MXI1: variants seen among roughly 807,000 people sequenced by gnomAD.
MXI1 encodes the protein MAX interactor 1, dimerization protein, also known as max-interacting protein 1.
In MXI1, 18 loss-of-function variants were observed where a neutral mutation model predicts 36.9. That is an observed-to-expected ratio of 0.49 (90% CI 0.34 to 0.72). The LOEUF (loss-of-function observed/expected upper bound fraction) is 0.72. MXI1 is among the 30% of genes least tolerant of loss of function. MXI1 has a pLI of 0.01. For synonymous variants in MXI1, 160 were observed against 146.7 expected, an observed-to-expected ratio of 1.09 and a Z score of -0.65; for missense variants, 304 against 379.1, an observed-to-expected ratio of 0.80 and a Z score of 1.64.
At chr10:110,214,644 A>G (rs1854585159) in intron 1 of MXI1, among the ~76,000 whole-genome samples, 1 of 109,428 alleles carries the variant, frequency 9.1e-6, no homozygotes, top group Non-Finnish European at 1.8e-5. Context: ...CCTCCTCCCT[A>G]CCACCACCAC....
chr10:110,280,719 T>G (rs1857217120), intron 5 of MXI1, among the ~76,000 whole-genome samples: 1 of 151,990 alleles, frequency 6.6e-6, no homozygotes, highest in African/African-American at 2.4e-5. Flanking sequence ...TGTGCCTTTC[T>G]CAATCCATTG....
At chr10:110,281,944 C>T (rs761499028) in intron 5 of MXI1, among the ~76,000 whole-genome samples, 8 of 152,086 alleles carry the variant, frequency 5.3e-5, no homozygotes, top group Non-Finnish European at 1.0e-4. Flanking sequence ...AATTATTGCC[C>T]TTATTTCATT....
chr10:110,220,309 G>A (rs1854769118), intron 1 of MXI1, among the ~76,000 whole-genome samples: 1 of 152,168 alleles, frequency 6.6e-6, no homozygotes. Flanking sequence ...CAGCTAGTAG[G>A]CAAATGGATG....
intron 1 of MXI1, among the ~76,000 whole-genome samples, chr10:110,211,285 G>A (rs1405242646): frequency 1.3e-5 from 2 of 152,232 alleles, no homozygotes; most frequent in South Asian, 2.1e-4. Flanking sequence ...TAGCTGCGTC[G>A]TTCAGCCAAT....
intron 3 of MXI1, among the ~76,000 whole-genome samples, chr10:110,250,422 T>C (rs1320972172): frequency 6.6e-6 from 1 of 152,198 alleles, no homozygotes; most frequent in Non-Finnish European, 1.5e-5. Context: ...TTGGCTTATC[T>C]TACAGTTTGG....
chr10:110,226,400 GCA>G, intron 1 of MXI1: 1 of 1,147,306 alleles, frequency 8.7e-7, no homozygotes, highest in East Asian at 4.1e-5. Flanking sequence ...AGGTGTGCGC[GCA>G]TGTGAGGGGA....
chr10:110,266,784 T>C (rs889384751), intron 3 of MXI1, among the ~76,000 whole-genome samples: 1 of 152,208 alleles, frequency 6.6e-6, no homozygotes, highest in Non-Finnish European at 1.5e-5. Flanking sequence ...GATGTTTGCA[T>C]GGGAAATCTT....
chr10:110,241,741 T>G (rs12571417), intron 2 of MXI1, among the ~76,000 whole-genome samples: 4,376 of 152,074 alleles, frequency 0.029, 360 homozygotes, highest in East Asian at 0.28. Context: ...GTAGTATAGT[T>G]AATAACGTTT....
intron 4 of MXI1, among the ~76,000 whole-genome samples, chr10:110,279,576 T>C (rs1207957100): frequency 1.2e-4 from 19 of 152,244 alleles, no homozygotes. Context: ...CTGGTGGAGA[T>C]GACTTCATTT....
At chr10:110,215,723 A>G (rs1464012723) in intron 1 of MXI1, among the ~76,000 whole-genome samples, 1 of 152,228 alleles carries the variant, frequency 6.6e-6, no homozygotes, top group Non-Finnish European at 1.5e-5. Context: ...GAAAAATACT[A>G]TCTTTTACAT....
chr10:110,240,840 A>C (rs1855646268), intron 2 of MXI1, among the ~76,000 whole-genome samples: 2 of 152,016 alleles, frequency 1.3e-5, no homozygotes, highest in Non-Finnish European at 2.9e-5. Flanking sequence ...GTTAAATGAA[A>C]ATGTTAACAA....
In MXI1 at chr10:110,220,734, C is replaced by G. The variant is rs138322910; in HGVS notation, c.275-7455C>G. Among the ~76,000 whole-genome samples the G allele has an allele frequency of 5.0e-3, 762 of 152,306 alleles. 1 individual carries two copies. Among genetic ancestry groups the G allele is most frequent in the African/African-American group, 0.018 (731 of 41,564 alleles). On this transcript the variant is annotated intron_variant, in intron 1 of 5. Transcript: ENST00000332674. ...GAACAGACTATTGCAATACCAACAT[C>G]TAGGAAACACAACAAAAAATACAGT...
chr10:110,246,350 T>A (rs2134396349), intron 3 of MXI1, among the ~76,000 whole-genome samples: 1 of 152,090 alleles, frequency 6.6e-6, no homozygotes. Context: ...GAGATTAGAT[T>A]AATAACAAAC....
intron 2 of MXI1, among the ~76,000 whole-genome samples, chr10:110,243,898 C>G (rs1855763521): frequency 6.6e-6 from 1 of 152,070 alleles, no homozygotes; most frequent in Non-Finnish European, 1.5e-5. Context: ...GCCTTAGAGT[C>G]TGTGCCCTTA....
At chr10:110,241,482 G>A (rs1053585413) in intron 2 of MXI1, among the ~76,000 whole-genome samples, 1 of 151,944 alleles carries the variant, frequency 6.6e-6, no homozygotes, top group Non-Finnish European at 1.5e-5. Context: ...GTGCTAGTGT[G>A]TGATACATTT....
intron 2 of MXI1, among the ~76,000 whole-genome samples, chr10:110,242,693 T>C (rs1357958000): frequency 6.6e-6 from 1 of 151,992 alleles, no homozygotes; most frequent in African/African-American, 2.4e-5. Flanking sequence ...CAGCAGTGGG[T>C]CAGATTATGA....
At position 110,220,027 on chromosome 10, in the gene MXI1, C is replaced by T. The variant is rs535157544; in HGVS notation, c.275-8162C>T. Reference sequence around the variant, plus strand: ...AAAGACACTCCTACAATGTTTCTACCGCCTCCTAGTGTGATGGGATTGCCC... The same window carrying T: ...AAAGACACTCCTACAATGTTTCTACTGCCTCCTAGTGTGATGGGATTGCCC... On this transcript the variant is annotated intron_variant, in intron 1 of 5. Coordinates refer to ENST00000332674, the MANE Select transcript of MXI1 (RefSeq NM_130439.3). 3.9e-5 allele frequency among the ~76,000 whole-genome samples: 6 copies of T among 152,324 alleles called. No homozygotes were observed. The South Asian group carries it at 6.2e-4, about 16-fold the overall frequency.
rs577119124 is a variant in MXI1 at position 110,224,423 on chromosome 10, G to A, written c.275-3766G>A. On this transcript the variant is annotated intron_variant, in intron 1 of 5. Transcript: ENST00000332674. The stretch of plus-strand genomic sequence containing the variant: ...AGGCATTTTTGGTTGTCACACCTGA[G>A]GGGTGGTGGTGTGCTACTGGCATCT... Among the ~76,000 whole-genome samples the A allele has an allele frequency of 2.7e-4, 41 of 152,314 alleles. 1 individual carries two copies. The highest frequency in any genetic ancestry group is 8.7e-4 in the African/African-American group (36 of 41,560).
intron 2 of MXI1, among the ~76,000 whole-genome samples, chr10:110,230,012 G>C (rs1388236765): frequency 6.6e-6 from 1 of 152,088 alleles, no homozygotes; most frequent in East Asian, 1.9e-4. Flanking sequence ...TGTAAAATAA[G>C]ATGCATTAGA....
Sources: allele counts gnomAD v4.1 joint callset (sites outside exome capture counted in the v4.1 genomes callset), GRCh38; gene constraint gnomAD v4.1.1; transcripts MANE v1.5; gene names NCBI Gene and HGNC (gene_info 2026-07-23, HGNC 2026-07-21).